PDZD8: variants seen among roughly 807,000 people sequenced by gnomAD.
The protein encoded by PDZD8 is PDZ domain containing 8, also known as PDZ domain-containing protein 8.
PDZD8 carries 14 observed loss-of-function variants against 85.8 expected under a neutral mutation model. The ratio of observed to expected loss-of-function variants is 0.16; its 90% confidence interval spans 0.11 to 0.26. PDZD8 has a LOEUF of 0.26. PDZD8 is among the 10% of genes least tolerant of loss of function. The pLI is 1.00. For missense variants in PDZD8, 1,197 were observed against 1,424.3 expected, an observed-to-expected ratio of 0.84 and a Z score of 2.57; for synonymous variants, 592 against 568.6, an observed-to-expected ratio of 1.04 and a Z score of -0.59.
chr10:117,330,052 A>AG (rs1844395151), intron 2 of PDZD8, among the ~76,000 whole-genome samples: 1 of 109,034 alleles, frequency 9.2e-6, no homozygotes, highest in African/African-American at 3.7e-5. Flanking sequence ...GAGGGAGGGA[A>AG]AAATCTGTTT....
chr10:117,333,117 CAAA>C (rs752527474), intron 2 of PDZD8, among the ~76,000 whole-genome samples: 9 of 7,262 alleles, frequency 1.2e-3, no homozygotes, highest in Non-Finnish European at 1.7e-3. Flanking sequence ...GACTCTGTCT[CAAA>C]AAAAAAAAAA....
intron 4 of PDZD8, chr10:117,285,937 T>C (rs1844655308): frequency 6.2e-6 from 1 of 162,152 alleles, no homozygotes; most frequent in African/African-American, 2.4e-5. Flanking sequence ...TGATGAAAGA[T>C]TCAAATTAAG....
In PDZD8 at chr10:117,290,289, T is replaced by G. The variant is rs765397793; in HGVS notation, c.1158A>C (p.Ser386=). The G allele has an allele frequency of 1.2e-6, 2 of 1,613,758 alleles. No individual in the cohort carries two copies. ...TGACGTGCCCAGCATACCCATCAGT[T>G]GACTGGACAAGACGAAGTGTAAGTC... ...SVGLTLRLVQ[S]TDGYAGHVII... is the part of the protein sequence containing the mutation. The change falls in exon 4 of 5, where the codon TCA becomes TCC. Residue 386 remains serine, a synonymous_variant. Transcript: ENST00000334464.
chr10:117,286,013 T>C (rs1844657744), intron 4 of PDZD8, among the ~76,000 whole-genome samples: 1 of 152,224 alleles, frequency 6.6e-6, no homozygotes, highest in Admixed American at 6.5e-5. Flanking sequence ...TACAGATTCT[T>C]TTTATCAACC....
intron 1 of PDZD8, among the ~76,000 whole-genome samples, chr10:117,356,421 G>A (rs979992): frequency 0.23 from 35,107 of 152,080 alleles, 4,715 homozygotes; most frequent in East Asian, 0.43. Flanking sequence ...AATGTTAGAT[G>A]TGAAAGGTAA....
chr10:117,349,339 A>G (rs1196266127), intron 1 of PDZD8, among the ~76,000 whole-genome samples: 1 of 152,246 alleles, frequency 6.6e-6, no homozygotes, highest in African/African-American at 2.4e-5. Flanking sequence ...GATAAGAGAA[A>G]AAAATATTGC....
In PDZD8 at chr10:117,285,449, C is replaced by T. The variant is rs1565016672; in HGVS notation, c.1284G>A (p.Leu428=). 3.1e-6 allele frequency: 5 copies of T among 1,603,964 alleles called. No individual in the cohort carries two copies. Among genetic ancestry groups the T allele is most frequent in the Non-Finnish European group, 4.3e-6 (5 of 1,172,798 alleles). ...AIGGVKITST[L]QVLKLIKQAG... is the part of the protein sequence containing the mutation. ...CCTGCTTGATAAGCTTCAACACTTGCAGTGTTGATGTGATTTTCACACCTG... is the reference window on the plus strand; with the variant it reads ...CCTGCTTGATAAGCTTCAACACTTGTAGTGTTGATGTGATTTTCACACCTG... The change falls in exon 5 of 5, where the codon CTG becomes CTA. Residue 428 remains leucine, a synonymous_variant. Coordinates refer to ENST00000334464, the MANE Select transcript of PDZD8 (RefSeq NM_173791.5).
intron 1 of PDZD8, among the ~76,000 whole-genome samples, chr10:117,347,501 T>C (rs1331849121): frequency 6.6e-6 from 1 of 152,178 alleles, no homozygotes; most frequent in Non-Finnish European, 1.5e-5. Context: ...CCCTGAAATG[T>C]ATAAAACCAA....
chr10:117,285,661 C>T lies in PDZD8; in HGVS notation c.1262-190G>A, dbSNP rs1010948512. The T allele has an allele frequency of 6.6e-5, 79 of 1,194,020 alleles. No homozygotes were observed. The African/African-American group carries it at 1.2e-3, about 18-fold the overall frequency. The allele number at this position is 1,194,020 out of a possible 1,614,324, so 74.0% of individuals were successfully genotyped here. A position where few individuals can be genotyped will look rare whatever the true frequency, so the allele number is the denominator to read the frequency against. Reference sequence around the variant, plus strand: ...ATGAATCAGTGTGCTAATTCTCAAACCCTGAATGTGCTGATATCCTGGAGA... The same window carrying T: ...ATGAATCAGTGTGCTAATTCTCAAATCCTGAATGTGCTGATATCCTGGAGA... On this transcript the variant is annotated intron_variant, in intron 4 of 4. Transcript: ENST00000334464.
chr10:117,296,307 T>C (rs192389785), intron 3 of PDZD8, among the ~76,000 whole-genome samples: 1 of 152,240 alleles, frequency 6.6e-6, no homozygotes, highest in Admixed American at 6.5e-5. Flanking sequence ...GACCTATATG[T>C]TGCAAATTAC....
intron 1 of PDZD8, among the ~76,000 whole-genome samples, chr10:117,345,637 T>C (rs557251950): frequency 2.0e-5 from 3 of 150,892 alleles, no homozygotes; most frequent in South Asian, 2.1e-4. Flanking sequence ...GAAAAAGTTA[T>C]GAGACATAAA....
At position 117,283,743 on chromosome 10, in the gene PDZD8, G is replaced by A. The variant is rs1347318498; in HGVS notation, c.2990C>T (p.Thr997Ile). Residue 997 changes from threonine (T) to isoleucine (I), a missense_variant, in exon 5 of 5, where the codon ACA becomes ATA. Physicochemically the swap from Thr to Ile is moderately conservative, Grantham distance 89. Transcript: ENST00000334464. Reference protein sequence around the residue: ...PNSPSKRGNSTGIKLVRKEGG... With the variant: ...PNSPSKRGNSIGIKLVRKEGG... ...CTCTTTTCTCACTAACTTTATTCCT[G>A]TGCTGTTTCCCCGTTTAGAAGGACT... 1.2e-6 allele frequency: 2 copies of A among 1,614,080 alleles called. No individual in the cohort carries two copies. The highest frequency in any genetic ancestry group is 4.5e-5 in the East Asian group (2 of 44,874).
chr10:117,333,117 C>CAAAAAAAAACAA (rs1554854831), intron 2 of PDZD8, among the ~76,000 whole-genome samples: 3 of 7,256 alleles, frequency 4.1e-4, no homozygotes, highest in East Asian at 2.6e-3. Context: ...GACTCTGTCT[C>CAAAAAAAAACAA]AAAAAAAAAA....
chr10:117,357,766 C>CAAAA (rs767138640), intron 1 of PDZD8, among the ~76,000 whole-genome samples: 3 of 47,468 alleles, frequency 6.3e-5, no homozygotes, highest in African/African-American at 9.2e-5. Context: ...ACTTCATCTC[C>CAAAA]AAAAAAAAAA....
At chr10:117,338,372 G>T (rs1844552700) in intron 2 of PDZD8, among the ~76,000 whole-genome samples, 1 of 152,150 alleles carries the variant, frequency 6.6e-6, no homozygotes, top group South Asian at 2.1e-4. Context: ...TTCCCAAGAT[G>T]AATCTATCAC....
At position 117,325,404 on chromosome 10, in the gene PDZD8, C is replaced by CTTTTTTTTTTTTTTTTTTTTT. The variant is rs71013659; in HGVS notation, c.996-6431_996-6430insAAAAAAAAAAAAAAAAAAAAA. 3.0e-5 allele frequency among the ~76,000 whole-genome samples: 3 copies of CTTTTTTTTTTTTTTTTTTTTT among 99,824 alleles called. 1 individual carries two copies. Among genetic ancestry groups the CTTTTTTTTTTTTTTTTTTTTT allele is most frequent in the African/African-American group, 3.7e-5 (1 of 27,206 alleles). 65.5% of individuals were successfully genotyped at this position (99,824 alleles called of 152,430 possible). ...CTATCAAAAGTTCCAGAAAAGCCAA[C>CTTTTTTTTTTTTTTTTTTTTT]TTTTTTTTTTTTTTTTGAGACAGAG... is the stretch of plus-strand genomic sequence containing the variant. On this transcript the variant is annotated intron_variant, in intron 2 of 4. Transcript: ENST00000334464.
rs756774203 is a variant in PDZD8 at position 117,374,878 on chromosome 10, C to A, written c.350G>T (p.Arg117Leu). ...RELRDTALTR[R>L]WVTKKIKVEF... ...CACCTTGATCTTCTTGGTGACCCAG[C>A]GGCGGGTCAGCGCGGTGTCCCGCAA... Residue 117 changes from arginine (R) to leucine (L), a missense_variant, in exon 1 of 5, where the codon CGC (arginine) becomes CTC (leucine). Coordinates refer to ENST00000334464, the MANE Select transcript of PDZD8 (RefSeq NM_173791.5). The surrounding 1 kb of genome is among the most constrained non-coding windows in gnomAD (Gnocchi z 7.8). The A allele has an allele frequency of 1.2e-6, 2 of 1,613,590 alleles. No individual in the cohort carries two copies. Among genetic ancestry groups the A allele is most frequent in the South Asian group, 1.1e-5 (1 of 91,076 alleles).
intron 3 of PDZD8, among the ~76,000 whole-genome samples, chr10:117,310,283 G>T (rs904388103): frequency 5.3e-5 from 8 of 152,040 alleles, no homozygotes. Flanking sequence ...CCAAAAGAAT[G>T]TTACTTCTCC....
rs545438793 is a variant in PDZD8 at position 117,302,860 on chromosome 10, A to G, written c.1099-12512T>C. The stretch of plus-strand genomic sequence containing the variant: ...ATTTTTCTCTTGCTGCCTCCATGTA[A>G]GAAGTGCCTTTTGCCTCCTGGCATG... On this transcript the variant is annotated intron_variant, in intron 3 of 4. Transcript: ENST00000334464. Among the ~76,000 whole-genome samples the G allele has an allele frequency of 2.0e-5, 3 of 152,304 alleles. No individual in the cohort carries two copies. In the South Asian group the frequency reaches 6.2e-4, roughly 32 times the overall value.
Sources: allele counts gnomAD v4.1 joint callset (sites outside exome capture counted in the v4.1 genomes callset), GRCh38; gene constraint gnomAD v4.1.1; non-coding constraint Gnocchi (gnomAD v3.1); transcripts MANE v1.5; gene names NCBI Gene and HGNC (gene_info 2026-07-23, HGNC 2026-07-21).